ZDHHC3: variants seen among roughly 807,000 people sequenced by gnomAD.
ZDHHC3 encodes the protein palmitoyltransferase ZDHHC3.
ZDHHC3 carries 9 observed loss-of-function variants against 30.6 expected under a neutral mutation model. The observed-to-expected ratio is 0.29, with a 90% CI of 0.18 to 0.51. ZDHHC3 has a LOEUF of 0.51. ZDHHC3 is among the 20% of genes least tolerant of loss of function. The pLI is 0.97. For missense variants in ZDHHC3, 246 were observed against 384.2 expected (o/e 0.64, Z 3.01); for synonymous variants, 136 against 140.2 (o/e 0.97, Z 0.21).
At chr3:44,940,567 C>T (rs573730031) in intron 3 of ZDHHC3, among the ~76,000 whole-genome samples, 1 of 152,206 alleles carries the variant, frequency 6.6e-6, no homozygotes, top group Non-Finnish European at 1.5e-5. Flanking sequence ...TGTGCAAAAA[C>T]AATCACAGAA....
intron 1 of ZDHHC3, among the ~76,000 whole-genome samples, chr3:44,963,314 A>T (rs898841140): frequency 6.6e-6 from 1 of 152,212 alleles, no homozygotes; most frequent in Non-Finnish European, 1.5e-5. Flanking sequence ...GCAGGGCCAG[A>T]CACCAAGTCC....
At position 44,917,893 on chromosome 3, in the gene ZDHHC3, AT is replaced by A; in HGVS notation, c.*8795del. The A allele has an allele frequency of 7.7e-6, 10 of 1,301,756 alleles. No individual in the cohort carries two copies. Among genetic ancestry groups the A allele is most frequent in the Non-Finnish European group, 1.0e-5 (10 of 988,852 alleles). The allele number at this position is 1,301,756 out of a possible 1,614,324, so 80.6% of individuals were successfully genotyped here. ...TGTTTGCTTCTCTCCCCACAGCAGC[AT>A]CTATTCATCTGTCACCTCCACAGAG... On this transcript the variant is annotated 3_prime_UTR_variant, in exon 7 of 7. Coordinates refer to ENST00000424952, the MANE Select transcript of ZDHHC3 (RefSeq NM_001135179.2).
chr3:44,937,430 G>T (rs1702059396), intron 3 of ZDHHC3, among the ~76,000 whole-genome samples: 2 of 152,026 alleles, frequency 1.3e-5, no homozygotes, highest in African/African-American at 2.4e-5. Context: ...GTTCTGCTGG[G>T]CATGGTGGCT....
chr3:44,937,947 G>T, intron 3 of ZDHHC3: 1 of 469,538 alleles, frequency 2.1e-6, no homozygotes, highest in South Asian at 1.5e-5. Context: ...ACTGCCGTGA[G>T]ACAGAAAGAA....
In ZDHHC3 at chr3:44,917,591, G is replaced by A. The variant is rs1021828513; in HGVS notation, c.*9098C>T. On this transcript the variant is annotated 3_prime_UTR_variant, in exon 7 of 7. Coordinates refer to ENST00000424952, the MANE Select transcript of ZDHHC3 (RefSeq NM_001135179.2). Reference sequence around the variant, plus strand: ...TGTTCAAAAGCTCCCTTTGCTGGGCGGAGAATGTGAAAGCCACCCAGTCTT... The same window carrying A: ...TGTTCAAAAGCTCCCTTTGCTGGGCAGAGAATGTGAAAGCCACCCAGTCTT... The A allele has an allele frequency of 3.1e-5, 8 of 259,362 alleles. No individual in the cohort carries two copies. The highest frequency in any genetic ancestry group is 6.1e-5 in the Non-Finnish European group (8 of 131,120). 16.1% of individuals were successfully genotyped at this position (259,362 alleles called of 1,614,324 possible). A position where few individuals can be genotyped will look rare whatever the true frequency, so the allele number is the denominator to read the frequency against.
chr3:44,931,470 A>G (rs1374530404), intron 5 of ZDHHC3, among the ~76,000 whole-genome samples: 1 of 152,194 alleles, frequency 6.6e-6, no homozygotes, highest in Non-Finnish European at 1.5e-5. Flanking sequence ...CCTTCTTTAA[A>G]TATCAACTCA....
Position 44,933,150 on chromosome 3 carries a change from TG to T in ZDHHC3, c.577del (p.His193ThrfsTer22). 1 of 1,614,138 alleles carries T rather than the reference TG, an allele frequency of 6.2e-7. No individual in the cohort carries two copies. Among genetic ancestry groups the T allele is most frequent in the Non-Finnish European group, 8.5e-7 (1 of 1,180,016 alleles). On this transcript the variant is annotated frameshift_variant, in exon 5 of 7. Coordinates refer to ENST00000424952, the MANE Select transcript of ZDHHC3 (RefSeq NM_001135179.2). LOFTEE classifies it high-confidence loss of function. ...SLHALIMVGF[H>X]FLHCFEEDWT... ...ATCTTCTTCAAAGCAATGCAGGAAG[TG>T]GAATCCCACCATGATGAGGGCGTGC...
chr3:44,963,510 A>AC (rs1385950059), intron 1 of ZDHHC3, among the ~76,000 whole-genome samples: 4 of 151,614 alleles, frequency 2.6e-5, no homozygotes, highest in African/African-American at 9.7e-5. Context: ...CAAAAAAAAA[A>AC]AACCCACCAC....
Position 44,919,057 on chromosome 3 carries a change from T to G in ZDHHC3, c.*7632A>C. 1.0e-6 allele frequency: 1 copy of G among 985,452 alleles called. No individual in the cohort carries two copies. Among genetic ancestry groups the G allele is most frequent in the Non-Finnish European group, 1.2e-6 (1 of 829,926 alleles). The allele number at this position is 985,452 out of a possible 1,614,324, so 61.0% of individuals were successfully genotyped here. On this transcript the variant is annotated 3_prime_UTR_variant, in exon 7 of 7. Coordinates refer to ENST00000424952, the MANE Select transcript of ZDHHC3 (RefSeq NM_001135179.2). ...ATCTCTGTGTATCTAGCACTTTTTC[T>G]TCCCACGCCATTTCAGAGATTTAAG...
rs966886475 is a variant in ZDHHC3, at chr3:44,920,913, G to T, written c.*5776C>A. ...GAAAGAAAATATTGCAAACAAATCC[G>T]ATGTATAAAAATGGGCTGAGGGCTG... On this transcript the variant is annotated 3_prime_UTR_variant, in exon 7 of 7. Coordinates refer to ENST00000424952, the MANE Select transcript of ZDHHC3 (RefSeq NM_001135179.2). The T allele has an allele frequency of 7.1e-6, 7 of 985,392 alleles. No individual in the cohort carries two copies. In the South Asian group the frequency reaches 2.8e-4, roughly 40 times the overall value. 61.0% of individuals were successfully genotyped at this position (985,392 alleles called of 1,614,324 possible).
At position 44,974,255 on chromosome 3, in the gene ZDHHC3, A is replaced by G. The variant is rs539711243; in HGVS notation, c.-25+1678T>C. On this transcript the variant is annotated intron_variant, in intron 1 of 6. Coordinates refer to ENST00000424952, the MANE Select transcript of ZDHHC3 (RefSeq NM_001135179.2). ...CTTGTCCAGTATGGAATTCCCGTCA[A>G]TTGTGAGGGGGGGACAGTTCAAATA... 3.9e-5 allele frequency among the ~76,000 whole-genome samples: 6 copies of G among 152,218 alleles called. No homozygotes were observed. The South Asian group carries it at 6.2e-4, about 16-fold the overall frequency.
Position 44,945,216 on chromosome 3 carries a change from T to C in ZDHHC3, c.383A>G (p.Lys128Arg), listed in dbSNP as rs1559687500. Residue 128 changes from lysine to arginine, a missense_variant, in exon 3 of 7, where the codon AAG (lysine) becomes AGG (arginine). By Grantham distance (26) the Lys-to-Arg change is conservative. Coordinates refer to ENST00000424952, the MANE Select transcript of ZDHHC3 (RefSeq NM_001135179.2). The part of the protein sequence containing the change: ...LQLKPGQVVY[K>R]CPKCCSIKPD... ...CTTGATGCTGCAGCATTTGGGGCAC[T>C]TGTACACCACCTGCCCAGGCTTCAA... The C allele has an allele frequency of 1.2e-6, 2 of 1,614,166 alleles. No individual in the cohort carries two copies. Among genetic ancestry groups the C allele is most frequent in the Admixed American group, 1.7e-5 (1 of 60,030 alleles).
chr3:44,941,556 G>C (rs1398480500), intron 3 of ZDHHC3, among the ~76,000 whole-genome samples: 1 of 152,124 alleles, frequency 6.6e-6, no homozygotes, highest in African/African-American at 2.4e-5. Context: ...GGGGCTCTAA[G>C]CAGCCCAGGA....
chr3:44,926,911 T>A, intron 6 of ZDHHC3, 64 bp from the exon 7 acceptor site: 1 of 1,518,580 alleles, frequency 6.6e-7, no homozygotes, highest in Non-Finnish European at 8.8e-7. Flanking sequence ...TGGGGAGGGA[T>A]GTCCGCAGCG....
intron 3 of ZDHHC3, among the ~76,000 whole-genome samples, chr3:44,943,847 G>A (rs1292614837): frequency 2.0e-5 from 3 of 152,110 alleles, no homozygotes; most frequent in African/African-American, 7.2e-5. Context: ...CTCCCTTTGT[G>A]TGTGGTGGTG....
In ZDHHC3 at chr3:44,922,124, G is replaced by C; in HGVS notation, c.*4565C>G. On this transcript the variant is annotated 3_prime_UTR_variant, in exon 7 of 7. Transcript: ENST00000424952. ...GTACGCTGGTCAGTGGCTTGTTTCT[G>C]CTTCACTGTGAATTCTTTCTCTTCT... 1.0e-6 allele frequency: 1 copy of C among 985,412 alleles called. No homozygotes were observed. The highest frequency in any genetic ancestry group is 1.2e-6 in the Non-Finnish European group (1 of 829,926). 61.0% of individuals were successfully genotyped at this position (985,412 alleles called of 1,614,324 possible).
chr3:44,945,394 C>T, intron 2 of ZDHHC3, 102 bp from the exon 3 acceptor site: 1 of 1,466,740 alleles, frequency 6.8e-7, no homozygotes, highest in African/African-American at 1.4e-5. Context: ...CACACACACA[C>T]ATGGACAGGA....
intron 1 of ZDHHC3, among the ~76,000 whole-genome samples, chr3:44,962,816 G>T (rs556138004): frequency 6.6e-6 from 1 of 152,272 alleles, no homozygotes; most frequent in East Asian, 1.9e-4. Flanking sequence ...ACGGTCACCA[G>T]TCATACCCAC....
intron 1 of ZDHHC3, among the ~76,000 whole-genome samples, chr3:44,975,718 A>T (rs1028341908): frequency 2.0e-5 from 3 of 148,520 alleles, no homozygotes; most frequent in African/African-American, 7.5e-5. Flanking sequence ...CCCCGGGCCA[A>T]TCACGACGTC....
Sources: gnomAD v4.1 joint callset for allele counts (sites outside exome capture counted in the v4.1 genomes callset) on GRCh38, gnomAD v4.1.1 for gene constraint, MANE v1.5 for transcripts, NCBI Gene and HGNC (gene_info 2026-07-23, HGNC 2026-07-21) for gene names.